MDFIC2: variants seen among roughly 807,000 people sequenced by gnomAD.
MDFIC2 encodes myoD family inhibitor domain-containing protein 2.
intron 2 of MDFIC2, among the ~76,000 whole-genome samples, chr3:70,291,652 C>G (rs1434987272): frequency 6.6e-6 from 1 of 152,192 alleles, no homozygotes; most frequent in African/African-American, 2.4e-5. Flanking sequence ...TGTGGCTTCA[C>G]TCATAACAGA....
intron 2 of MDFIC2, among the ~76,000 whole-genome samples, chr3:70,266,003 G>C (rs1701913568): frequency 6.6e-6 from 1 of 152,110 alleles, no homozygotes; most frequent in Admixed American, 6.5e-5. Flanking sequence ...GATTTAGGTT[G>C]AGACACAAAG....
chr3:70,222,062 T>G (rs1291490135), intron 2 of MDFIC2, among the ~76,000 whole-genome samples: 1 of 152,116 alleles, frequency 6.6e-6, no homozygotes, highest in Non-Finnish European at 1.5e-5. Flanking sequence ...AACAACAATA[T>G]TAACCATTGC....
chr3:70,308,873 T>A (rs1417564406), intron 2 of MDFIC2, among the ~76,000 whole-genome samples: 1 of 152,144 alleles, frequency 6.6e-6, no homozygotes, highest in Non-Finnish European at 1.5e-5. Context: ...CAGTGCTTTG[T>A]GTCAGTGACT....
At chr3:70,236,127 T>G (rs796249618) in intron 2 of MDFIC2, among the ~76,000 whole-genome samples, 2 of 152,320 alleles carry the variant, frequency 1.3e-5, no homozygotes, top group South Asian at 4.1e-4. Context: ...TATTCTCTAA[T>G]GACCTGTTGA....
chr3:70,280,042 C>T lies in MDFIC2; in HGVS notation c.88+31844G>A, dbSNP rs80177359. Among the ~76,000 whole-genome samples the T allele has an allele frequency of 8.6e-3, 1,317 of 152,272 alleles. 22 individuals carry two copies. Among genetic ancestry groups the T allele is most frequent in the African/African-American group, 0.03 (1,253 of 41,546 alleles). On this transcript the variant is annotated intron_variant, in intron 2 of 3. Transcript: ENST00000567252. ...GGCCAGAAGTGTGAAGTCAGTTTCACTGGAGCAAAATCAAGGTGTCAGCAA... is the reference window on the plus strand; with the variant it reads ...GGCCAGAAGTGTGAAGTCAGTTTCATTGGAGCAAAATCAAGGTGTCAGCAA...
intron 2 of MDFIC2, among the ~76,000 whole-genome samples, chr3:70,242,799 A>C (rs1701675241): frequency 6.6e-6 from 1 of 152,164 alleles, no homozygotes; most frequent in African/African-American, 2.4e-5. Context: ...AGTTTACACA[A>C]GCATTGGTAA....
chr3:70,289,785 T>C (rs369866484), intron 2 of MDFIC2, among the ~76,000 whole-genome samples: 1 of 152,096 alleles, frequency 6.6e-6, no homozygotes, highest in Admixed American at 6.5e-5. Context: ...CTCTAAACTT[T>C]CCTTCTCGCT....
intron 3 of MDFIC2, among the ~76,000 whole-genome samples, chr3:70,202,124 G>A (rs1576153245): frequency 6.6e-6 from 1 of 152,032 alleles, no homozygotes; most frequent in Non-Finnish European, 1.5e-5. Flanking sequence ...AGTGACTAGT[G>A]GTCTATCTGA....
intron 2 of MDFIC2, among the ~76,000 whole-genome samples, chr3:70,285,214 C>T (rs960751995): frequency 2.4e-5 from 3 of 123,316 alleles, no homozygotes; most frequent in Non-Finnish European, 5.0e-5. Flanking sequence ...CCCCTCCCCC[C>T]ACCCCACAAC....
At chr3:70,210,428 A>G (rs868656152) in intron 2 of MDFIC2, among the ~76,000 whole-genome samples, 29 of 152,134 alleles carry the variant, frequency 1.9e-4, no homozygotes, top group African/African-American at 7.0e-4. Flanking sequence ...TGTTCAACCC[A>G]GAATTCTGAC....
At chr3:70,297,978 CAG>C (rs199735241) in intron 2 of MDFIC2, among the ~76,000 whole-genome samples, 3,095 of 152,070 alleles carry the variant, frequency 0.02, 45 homozygotes, top group South Asian at 0.062. Context: ...CTTAAATAAT[CAG>C]GGGAGAAATT....
chr3:70,198,252 G>C (rs1701200733), intron 3 of MDFIC2, among the ~76,000 whole-genome samples: 3 of 152,216 alleles, frequency 2.0e-5, no homozygotes, highest in East Asian at 1.9e-4. Context: ...ATTGATTTAA[G>C]TTTGACTTTC....
intron 2 of MDFIC2, among the ~76,000 whole-genome samples, chr3:70,226,608 G>A (rs968348086): frequency 1.3e-5 from 2 of 151,592 alleles, no homozygotes; most frequent in African/African-American, 4.9e-5. Context: ...CATGGTGGCG[G>A]GTGCCTGTAA....
rs1053793045 is a variant in MDFIC2, at chr3:70,194,941, G to A, written c.*1985C>T. On this transcript the variant is annotated 3_prime_UTR_variant, in exon 4 of 4. Coordinates refer to ENST00000567252, the MANE Select transcript of MDFIC2 (RefSeq NM_001364677.1). ...AGGGATGGGACATAAGGAAGCACTA[G>A]GAGGTGCAAGGAAACAACTGTTGAT... Among the ~76,000 whole-genome samples the A allele has an allele frequency of 1.3e-5, 2 of 152,144 alleles. No homozygotes were observed. Among genetic ancestry groups the A allele is most frequent in the African/African-American group, 4.8e-5 (2 of 41,438 alleles).
At chr3:70,214,299 G>T (rs903850106) in intron 2 of MDFIC2, among the ~76,000 whole-genome samples, 1 of 152,156 alleles carries the variant, frequency 6.6e-6, no homozygotes, top group African/African-American at 2.4e-5. Context: ...CGTATAAATC[G>T]TTGTTTTGAT....
At chr3:70,237,306 C>T (rs1340153413) in intron 2 of MDFIC2, among the ~76,000 whole-genome samples, 1 of 152,170 alleles carries the variant, frequency 6.6e-6, no homozygotes, top group African/African-American at 2.4e-5. Context: ...ATAGACAGAC[C>T]TCTATTAATG....
chr3:70,287,578 G>A (rs915643499), intron 2 of MDFIC2, among the ~76,000 whole-genome samples: 12 of 152,054 alleles, frequency 7.9e-5, no homozygotes, highest in African/African-American at 2.7e-4. Context: ...CTCATAAAAT[G>A]AGTGAGGGAG....
chr3:70,268,744 G>T (rs557794581), intron 2 of MDFIC2, among the ~76,000 whole-genome samples: 3 of 152,210 alleles, frequency 2.0e-5, no homozygotes, highest in East Asian at 3.9e-4. Context: ...CTGCTTTAGA[G>T]AAATACTTCA....
At chr3:70,287,710 C>T (rs943191828) in intron 2 of MDFIC2, among the ~76,000 whole-genome samples, 22 of 151,894 alleles carry the variant, frequency 1.4e-4, no homozygotes, top group Non-Finnish European at 2.9e-4. Context: ...GGTTGGTAAG[C>T]TATTGATTAT....
Sources: gnomAD v4.1 joint callset for allele counts (sites outside exome capture counted in the v4.1 genomes callset) on GRCh38, gnomAD v4.1.1 for gene constraint, MANE v1.5 for transcripts, NCBI Gene and HGNC (gene_info 2026-07-23, HGNC 2026-07-21) for gene names.